Variants in BCAT1 observed in about 807,000 individuals in gnomAD.
BCAT1 encodes the protein branched chain amino acid transaminase 1, also known as branched-chain-amino-acid aminotransferase, cytosolic.
A neutral mutation model predicts 52.4 loss-of-function variants in BCAT1; 48 were observed. That is an observed-to-expected ratio of 0.92 (90% CI 0.73 to 1.16). BCAT1 has a LOEUF of 1.16. Ranked by LOEUF, BCAT1 falls within the 50% of genes most tolerant of loss-of-function variation. The probability of loss-of-function intolerance (pLI) is 0.00; values close to 1 mark genes in which losing one functional copy is unlikely to be tolerated. For missense variants in BCAT1, 451 were observed against 457.1 expected (o/e 0.99, Z 0.12); for synonymous variants, 167 against 161.3 (o/e 1.04, Z -0.27).
intron 1 of BCAT1, among the ~76,000 whole-genome samples, chr12:24,908,242 A>C (rs1943257727): frequency 6.6e-6 from 1 of 152,072 alleles, no homozygotes; most frequent in Non-Finnish European, 1.5e-5. Context: ...TTGTACAGTC[A>C]TAATAAGGAC....
chr12:24,887,924 C>T (rs1591841261), intron 3 of BCAT1, among the ~76,000 whole-genome samples: 2 of 152,214 alleles, frequency 1.3e-5, no homozygotes, highest in South Asian at 4.1e-4. Context: ...TTGGAGCTCT[C>T]AAAATAAAAT....
rs1940579445 is a variant in BCAT1, at chr12:24,829,895, T to C, written c.1047A>G (p.Thr349=). ...PVSDILYKGE[T]IHIPTMENGP... is the part of the protein sequence containing the mutation. ...CATTCTCCATAGTTGGAATGTGTAT[T>C]GTCTACAAAAGAAAGGGAAATGAGA... Residue 349 remains threonine, a splice_region_variant and synonymous_variant, in exon 10 of 11, where the codon ACA becomes ACG. Transcript: ENST00000261192. 2 of 1,606,026 alleles carry C rather than the reference T, an allele frequency of 1.2e-6. No individual in the cohort carries two copies. Among genetic ancestry groups the C allele is most frequent in the South Asian group, 1.1e-5 (1 of 89,352 alleles).
intron 2 of BCAT1, among the ~76,000 whole-genome samples, chr12:24,895,697 A>G (rs561421526): frequency 5.3e-5 from 8 of 152,298 alleles, no homozygotes; most frequent in Non-Finnish European, 1.2e-4. Context: ...TTTCCCTCCC[A>G]AATTAAATAC....
chr12:24,824,246 C>CCTTCCTTG (rs1290356603), intron 10 of BCAT1, among the ~76,000 whole-genome samples: 1 of 137,634 alleles, frequency 7.3e-6, no homozygotes, highest in Non-Finnish European at 1.6e-5. Flanking sequence ...TTCCTTCCTT[C>CCTTCCTTG]CTTCCTTCCT....
At chr12:24,926,348 C>T (rs1026910128) in intron 1 of BCAT1, among the ~76,000 whole-genome samples, 15 of 151,976 alleles carry the variant, frequency 9.9e-5, no homozygotes, top group Non-Finnish European at 1.8e-4. Context: ...GGGCAGCCCC[C>T]GCCTGGCCAG....
rs536055539 is a variant in BCAT1 at position 24,837,002 on chromosome 12, G to A, written c.818-406C>T. Among the ~76,000 whole-genome samples, 12 of 134,562 alleles carry A rather than the reference G, an allele frequency of 8.9e-5. No homozygotes were observed. In the South Asian group the frequency reaches 1.3e-3, roughly 14 times the overall value. The allele number at this position is 134,562 out of a possible 152,430, so 88.3% of individuals were successfully genotyped here. ...GAGAGGGAGGGAGGGAGGAAGGAAC[G>A]AAGGAAGGAAGAAAGAAAAAAGAAA... On this transcript the variant is annotated intron_variant, in intron 7 of 10. Coordinates refer to ENST00000261192, the MANE Select transcript of BCAT1 (RefSeq NM_005504.7).
rs114994206 is a variant in BCAT1 at position 24,893,299 on chromosome 12, G to C, written c.279+976C>G. Reference sequence around the variant, plus strand: ...CACCAGATATGACTCTATATGCTTAGATAAATTACTTTATTTTATACTTAT... The same window carrying C: ...CACCAGATATGACTCTATATGCTTACATAAATTACTTTATTTTATACTTAT... On this transcript the variant is annotated intron_variant, in intron 3 of 10. Transcript: ENST00000261192. Among the ~76,000 whole-genome samples the C allele has an allele frequency of 5.4e-3, 819 of 152,256 alleles. 4 individuals carry two copies. Among genetic ancestry groups the C allele is most frequent in the African/African-American group, 0.019 (792 of 41,538 alleles).
At chr12:24,901,579 A>C (rs1196087024) in intron 2 of BCAT1, among the ~76,000 whole-genome samples, 1 of 148,926 alleles carries the variant, frequency 6.7e-6, no homozygotes, top group Non-Finnish European at 1.5e-5. Context: ...TTCAAGAAAA[A>C]TATATGACTC....
At chr12:24,947,361 A>G (rs1046511170) in intron 1 of BCAT1, among the ~76,000 whole-genome samples, 4 of 152,202 alleles carry the variant, frequency 2.6e-5, no homozygotes, top group Non-Finnish European at 5.9e-5. Context: ...CCCATTCTGC[A>G]TGTGTCTGTC....
chr12:24,864,285 G>C (rs1941940107), intron 5 of BCAT1, among the ~76,000 whole-genome samples: 1 of 152,174 alleles, frequency 6.6e-6, no homozygotes. Flanking sequence ...GTTTGGCTCA[G>C]TTGACTAGGC....
intron 5 of BCAT1, among the ~76,000 whole-genome samples, chr12:24,873,586 A>G (rs1660367723): frequency 1.3e-5 from 2 of 152,236 alleles, no homozygotes; most frequent in African/African-American, 4.8e-5. Flanking sequence ...CTTCAGTCCA[A>G]AAAGCTTGGA....
chr12:24,885,152 A>G (rs1942622830), intron 3 of BCAT1, among the ~76,000 whole-genome samples: 1 of 152,226 alleles, frequency 6.6e-6, no homozygotes, highest in Non-Finnish European at 1.5e-5. Flanking sequence ...ATCATAAAAC[A>G]TAGATGATAT....
At chr12:24,893,615 T>C (rs957240155) in intron 3 of BCAT1, among the ~76,000 whole-genome samples, 2 of 152,216 alleles carry the variant, frequency 1.3e-5, no homozygotes, top group African/African-American at 2.4e-5. Flanking sequence ...ACTATTACCA[T>C]ATTTTAGCAC....
In BCAT1 at chr12:24,812,017, T is replaced by C. The variant is rs1939703035; in HGVS notation, c.*5991A>G. Reference sequence around the variant, plus strand: ...CTAGGTATATTGTGGGATTATTCCTTGTTAAGTCACCCCAGGAAACATTTG... The same window carrying C: ...CTAGGTATATTGTGGGATTATTCCTCGTTAAGTCACCCCAGGAAACATTTG... On this transcript the variant is annotated 3_prime_UTR_variant, in exon 11 of 11. Transcript: ENST00000261192. The C allele has an allele frequency of 6.6e-6, 1 of 152,152 alleles. No homozygotes were observed. The allele number at this position is 152,152 out of a possible 1,614,324, so 9.4% of individuals were successfully genotyped here.
At chr12:24,822,879 A>G (rs1940200905) in intron 10 of BCAT1, among the ~76,000 whole-genome samples, 1 of 152,290 alleles carries the variant, frequency 6.6e-6, no homozygotes, top group South Asian at 2.1e-4. Context: ...GAAATTATTC[A>G]TTTCTTATTG....
At chr12:24,873,218 T>C (rs1483655286) in intron 5 of BCAT1, among the ~76,000 whole-genome samples, 2 of 152,220 alleles carry the variant, frequency 1.3e-5, no homozygotes, top group Non-Finnish European at 2.9e-5. Context: ...CATGTAAATG[T>C]TTTTATTTAA....
intron 5 of BCAT1, among the ~76,000 whole-genome samples, chr12:24,869,744 C>T (rs1267442815): frequency 1.3e-5 from 2 of 152,180 alleles, no homozygotes; most frequent in East Asian, 3.9e-4. Flanking sequence ...GTGGTTGACT[C>T]TATTGGAGAG....
At chr12:24,945,070 G>A (rs1205308195) in intron 1 of BCAT1, among the ~76,000 whole-genome samples, 5 of 152,182 alleles carry the variant, frequency 3.3e-5, no homozygotes, top group Admixed American at 2.6e-4. Context: ...GCTATTTTAA[G>A]GATATGAGTA....
intron 1 of BCAT1, among the ~76,000 whole-genome samples, chr12:24,937,713 T>C (rs1943784047): frequency 6.6e-6 from 1 of 152,140 alleles, no homozygotes; most frequent in African/African-American, 2.4e-5. Flanking sequence ...AGCAGGTGAC[T>C]GATGTGATCA....
Sources: gnomAD v4.1 joint callset for allele counts (sites outside exome capture counted in the v4.1 genomes callset) on GRCh38, gnomAD v4.1.1 for gene constraint, MANE v1.5 for transcripts, NCBI Gene and HGNC (gene_info 2026-07-23, HGNC 2026-07-21) for gene names.